The following GRIA4 variants were observed in gnomAD, a reference collection of about 807,000 sequenced individuals.
GRIA4 encodes glutamate ionotropic receptor AMPA type subunit 4, also known as glutamate receptor 4.
Under a neutral mutation model 104.0 loss-of-function variants are expected in GRIA4, and 34 were observed. The observed-to-expected ratio is 0.33, with a 90% CI of 0.25 to 0.44. The LOEUF (loss-of-function observed/expected upper bound fraction) is 0.44. GRIA4 is among the 20% of genes least tolerant of loss of function. The pLI is 1.00. For missense variants in GRIA4, 750 were observed against 1,096.5 expected (o/e 0.68, Z 4.46); for synonymous variants, 386 against 381.9 (o/e 1.01, Z -0.13).
rs576332141 is a variant in GRIA4, at chr11:105,887,985, T to G, written c.726+413T>G. ...TGGCTATATAAGCAAATCTTTTAAA[T>G]GGGAGTAATCCAAATTTTTAAAAAT... On this transcript the variant is annotated intron_variant, in intron 6 of 16. Coordinates refer to ENST00000282499, the MANE Select transcript of GRIA4 (RefSeq NM_000829.4). Among the ~76,000 whole-genome samples the G allele has an allele frequency of 4.6e-5, 7 of 152,300 alleles. No individual in the cohort carries two copies. The East Asian group carries it at 1.2e-3, about 25-fold the overall frequency.
rs1952161537 is a variant in GRIA4 at position 105,666,253 on chromosome 11, T to TGG, written c.247+53819_247+53820insGG. ...AATTTCTATTGATTGTACCATATTA[T>TGG]TCACTAATCCTTTCATTCAAACAAT... On this transcript the variant is annotated intron_variant, in intron 3 of 16. Transcript: ENST00000282499. Among the ~76,000 whole-genome samples, 11 of 152,148 alleles carry TGG rather than the reference T, an allele frequency of 7.2e-5. No homozygotes were observed. The South Asian group carries it at 1.9e-3, about 26-fold the overall frequency.
intron 4 of GRIA4, among the ~76,000 whole-genome samples, chr11:105,811,594 C>CT (rs1235587554): frequency 3.9e-5 from 6 of 152,068 alleles, no homozygotes; most frequent in African/African-American, 7.2e-5. Context: ...AAAAATGAGA[C>CT]TGGGGTTGAG....
intron 4 of GRIA4, among the ~76,000 whole-genome samples, chr11:105,799,985 G>A (rs1366905840): frequency 6.6e-6 from 1 of 152,082 alleles, no homozygotes; most frequent in Non-Finnish European, 1.5e-5. Flanking sequence ...GTGATACATT[G>A]GAGAGGGCAA....
chr11:105,752,830 T>C, intron 3 of GRIA4, 151 bp from the exon 4 acceptor site: 2 of 678,970 alleles, frequency 2.9e-6, no homozygotes, highest in Non-Finnish European at 5.0e-6. Flanking sequence ...GTGCAATTAA[T>C]TGCACACTTC....
At chr11:105,677,230 C>T (rs549805535) in intron 3 of GRIA4, among the ~76,000 whole-genome samples, 1 of 151,866 alleles carries the variant, frequency 6.6e-6, no homozygotes, top group Non-Finnish European at 1.5e-5. Flanking sequence ...AGACAAAGTA[C>T]GTTTGCACAA....
At chr11:105,977,330 C>G (rs1859032061) in intron 16 of GRIA4, among the ~76,000 whole-genome samples, 1 of 151,926 alleles carries the variant, frequency 6.6e-6, no homozygotes, top group African/African-American at 2.4e-5. Flanking sequence ...TTTCCTGAAT[C>G]TCTTGTTAAA....
chr11:105,791,137 C>T lies in GRIA4; in HGVS notation c.487+37917C>T, dbSNP rs538750041. Among the ~76,000 whole-genome samples, 45 of 152,132 alleles carry T rather than the reference C, an allele frequency of 3.0e-4. 2 individuals carry two copies. In the South Asian group the frequency reaches 9.3e-3, roughly 32 times the overall value. On this transcript the variant is annotated intron_variant, in intron 4 of 16. Transcript: ENST00000282499. The stretch of plus-strand genomic sequence containing the variant: ...CTGAGGGTTTTGTTTTGCTTTTTTC[C>T]CCCTAAATTGGCTCATTTAATACAA...
At chr11:105,628,098 AACAC>A (rs138811587) in intron 3 of GRIA4, among the ~76,000 whole-genome samples, 8 of 149,892 alleles carry the variant, frequency 5.3e-5, no homozygotes, top group African/African-American at 1.5e-4. Context: ...CACACACACA[AACAC>A]ACACACACAC....
chr11:105,917,532 C>A (rs959581333), intron 10 of GRIA4, among the ~76,000 whole-genome samples: 4 of 152,138 alleles, frequency 2.6e-5, no homozygotes, highest in African/African-American at 9.7e-5. Flanking sequence ...CAATTATGAA[C>A]TTTCTGGGGA....
At chr11:105,784,473 G>C (rs1941869089) in intron 4 of GRIA4, among the ~76,000 whole-genome samples, 1 of 152,080 alleles carries the variant, frequency 6.6e-6, no homozygotes, top group African/African-American at 2.4e-5. Flanking sequence ...TATAACTGCC[G>C]TGAGTGCAGG....
chr11:105,826,955 T>C (rs1943791713), intron 4 of GRIA4, among the ~76,000 whole-genome samples: 1 of 152,074 alleles, frequency 6.6e-6, no homozygotes, highest in Admixed American at 6.6e-5. Flanking sequence ...TTGTATAACC[T>C]GGTTGACATA....
chr11:105,794,469 GTATGTATATATA>G lies in GRIA4; in HGVS notation c.487+41253_487+41264del, dbSNP rs1314119833. Among the ~76,000 whole-genome samples, 154 of 40,766 alleles carry G rather than the reference GTATGTATATATA, an allele frequency of 3.8e-3. 1 individual carries two copies. Among genetic ancestry groups the G allele is most frequent in the South Asian group, 7.3e-3 (8 of 1,092 alleles). 26.7% of individuals were successfully genotyped at this position (40,766 alleles called of 152,430 possible). ...TGTGTGTGTCTGTGTGTGTGTATAT[GTATGTATATATA>G]TATATATATATATATATATATATAT... is the stretch of plus-strand genomic sequence containing the variant. On this transcript the variant is annotated intron_variant, in intron 4 of 16. Coordinates refer to ENST00000282499, the MANE Select transcript of GRIA4 (RefSeq NM_000829.4).
At chr11:105,916,102 T>A (rs1290465465) in intron 10 of GRIA4, among the ~76,000 whole-genome samples, 1 of 152,112 alleles carries the variant, frequency 6.6e-6, no homozygotes, top group East Asian at 1.9e-4. Context: ...GAGAATCGCT[T>A]GAACCCGGAA....
chr11:105,701,330 G>C (rs1224461826), intron 3 of GRIA4, among the ~76,000 whole-genome samples: 1 of 152,136 alleles, frequency 6.6e-6, no homozygotes, highest in Non-Finnish European at 1.5e-5. Context: ...GTAAGTTCTT[G>C]ACTGCAATGA....
chr11:105,727,824 G>A (rs1040386428), intron 3 of GRIA4, among the ~76,000 whole-genome samples: 7 of 152,138 alleles, frequency 4.6e-5, no homozygotes, highest in Non-Finnish European at 8.8e-5. Flanking sequence ...ACAAGCAAAT[G>A]CTGAGGGATT....
At chr11:105,864,740 C>G (rs1424989855) in intron 5 of GRIA4, among the ~76,000 whole-genome samples, 1 of 152,002 alleles carries the variant, frequency 6.6e-6, no homozygotes, top group Admixed American at 6.6e-5. Context: ...TGTGGTGGCA[C>G]ATGCCTGTAA....
At chr11:105,702,113 G>A (rs1223412954) in intron 3 of GRIA4, among the ~76,000 whole-genome samples, 1 of 152,026 alleles carries the variant, frequency 6.6e-6, no homozygotes, top group Non-Finnish European at 1.5e-5. Flanking sequence ...TTAAAAATGT[G>A]TTTAGAGAAA....
chr11:105,966,843 C>T (rs1858398633), intron 14 of GRIA4, among the ~76,000 whole-genome samples: 1 of 151,992 alleles, frequency 6.6e-6, no homozygotes, highest in Admixed American at 6.6e-5. Context: ...AATTTCTCAC[C>T]CGATCTAAAA....
At chr11:105,844,928 AG>A (rs1357418307) in intron 4 of GRIA4, among the ~76,000 whole-genome samples, 1 of 152,252 alleles carries the variant, frequency 6.6e-6, no homozygotes, top group Non-Finnish European at 1.5e-5. Context: ...GCGGGAATGT[AG>A]GTGATTAAGT....
Sources: allele counts gnomAD v4.1 joint callset (sites outside exome capture counted in the v4.1 genomes callset), GRCh38; gene constraint gnomAD v4.1.1; transcripts MANE v1.5; gene names NCBI Gene and HGNC (gene_info 2026-07-23, HGNC 2026-07-21).